Variants in CSMD3 observed in about 807,000 individuals in gnomAD.
CSMD3 encodes CUB and sushi domain-containing protein 3.
In CSMD3, 177 loss-of-function variants were observed where a neutral mutation model predicts 435.2. That is an observed-to-expected ratio of 0.41 (90% confidence interval 0.36 to 0.46). CSMD3 has a LOEUF of 0.46. Ranked by LOEUF, CSMD3 falls within the 20% of genes least tolerant of loss-of-function variation. CSMD3 has a pLI of 0.34. For missense variants in CSMD3, 4,265 were observed against 4,504.6 expected, an observed-to-expected ratio of 0.95 and a Z score of 1.52; for synonymous variants, 1,656 against 1,520.5, an observed-to-expected ratio of 1.09 and a Z score of -2.07.
intron 17 of CSMD3, among the ~76,000 whole-genome samples, chr8:112,662,259 C>T (rs2075400877): frequency 6.6e-6 from 1 of 152,162 alleles, no homozygotes; most frequent in Admixed American, 6.5e-5. Context: ...ATCACGCTAC[C>T]TGACTTCGAA....
At chr8:113,414,032 A>T (rs964226206) in intron 1 of CSMD3, among the ~76,000 whole-genome samples, 1 of 152,210 alleles carries the variant, frequency 6.6e-6, no homozygotes, top group Non-Finnish European at 1.5e-5. Context: ...AACAAAAGCC[A>T]CATGAACATA....
chr8:113,333,193 T>C (rs1171983914), intron 1 of CSMD3, among the ~76,000 whole-genome samples: 2 of 151,720 alleles, frequency 1.3e-5, no homozygotes, highest in African/African-American at 4.8e-5. Flanking sequence ...TCTTCTCCAG[T>C]TTGTGATTTC....
At chr8:112,943,379 T>C (rs2083510582) in intron 9 of CSMD3, among the ~76,000 whole-genome samples, 2 of 151,574 alleles carry the variant, frequency 1.3e-5, no homozygotes. Flanking sequence ...TGGTGTTTTA[T>C]GAAATAACTG....
intron 32 of CSMD3, among the ~76,000 whole-genome samples, chr8:112,430,163 C>T (rs1200750296): frequency 6.6e-6 from 1 of 152,028 alleles, no homozygotes; most frequent in Non-Finnish European, 1.5e-5. Context: ...GCGTCTACAA[C>T]CAGTTTTCTA....
At chr8:113,266,747 T>C (rs183510882) in intron 3 of CSMD3, among the ~76,000 whole-genome samples, 2 of 151,804 alleles carry the variant, frequency 1.3e-5, no homozygotes, top group East Asian at 3.9e-4. Context: ...GCATTTTTTC[T>C]ATAATGTTTT....
chr8:112,704,229 C>T (rs1459540994), intron 13 of CSMD3, among the ~76,000 whole-genome samples: 1 of 151,898 alleles, frequency 6.6e-6, no homozygotes, highest in Non-Finnish European at 1.5e-5. Flanking sequence ...ATCCCCCCAC[C>T]TCAACTGCTG....
chr8:112,989,499 T>C (rs1277123514), intron 6 of CSMD3, among the ~76,000 whole-genome samples: 3 of 152,072 alleles, frequency 2.0e-5, no homozygotes, highest in Non-Finnish European at 4.4e-5. Flanking sequence ...TGTTACATGA[T>C]AGAATGCAAT....
intron 3 of CSMD3, among the ~76,000 whole-genome samples, chr8:113,253,904 G>C (rs1472186540): frequency 1.3e-5 from 2 of 151,828 alleles, no homozygotes; most frequent in Admixed American, 1.3e-4. Context: ...TTATGTGCCA[G>C]TACTATATCT....
chr8:112,714,339 A>C (rs764517989), intron 13 of CSMD3, among the ~76,000 whole-genome samples: 1 of 152,198 alleles, frequency 6.6e-6, no homozygotes. Flanking sequence ...AAGGCATTAC[A>C]TAATGGTAAA....
chr8:112,653,571 A>C (rs1461342945), intron 18 of CSMD3, among the ~76,000 whole-genome samples: 1 of 152,088 alleles, frequency 6.6e-6, no homozygotes. Context: ...CTGGGGAAAA[A>C]CTATAGAAAT....
At chr8:112,265,365 A>G (rs777482414) in intron 60 of CSMD3, 46 bp downstream of exon 60, 1 of 1,413,172 alleles carries the variant, frequency 7.1e-7, no homozygotes, top group East Asian at 2.3e-5. Context: ...ATAAGAAAAT[A>G]TGTACTGGTT....
chr8:112,876,725 C>A (rs181576265), intron 10 of CSMD3, among the ~76,000 whole-genome samples: 2 of 152,088 alleles, frequency 1.3e-5, no homozygotes, highest in South Asian at 2.1e-4. Flanking sequence ...TCTCACTACT[C>A]GTATTCAACA....
chr8:113,302,889 T>C (rs576489855), intron 2 of CSMD3, among the ~76,000 whole-genome samples: 12 of 144,608 alleles, frequency 8.3e-5, no homozygotes, highest in Middle Eastern at 3.4e-3. Flanking sequence ...CTATTCAACA[T>C]AGTGTTGGAA....
intron 3 of CSMD3, among the ~76,000 whole-genome samples, chr8:113,236,055 C>A (rs558906055): frequency 1.3e-5 from 2 of 152,272 alleles, no homozygotes; most frequent in East Asian, 1.9e-4. Context: ...TGGGGTCCCA[C>A]ATGCACAGCT....
chr8:112,375,603 T>C (rs964176904), intron 38 of CSMD3, among the ~76,000 whole-genome samples: 7 of 152,260 alleles, frequency 4.6e-5, no homozygotes, highest in African/African-American at 1.2e-4. Flanking sequence ...TAAGAATTTC[T>C]AACTAAAAGA....
chr8:113,189,323 T>C (rs1459222755), intron 3 of CSMD3, among the ~76,000 whole-genome samples: 3 of 151,760 alleles, frequency 2.0e-5, no homozygotes. Context: ...TTAGACTCTT[T>C]CCTCATTCTA....
chr8:112,487,499 G>A (rs1820254704), intron 31 of CSMD3, among the ~76,000 whole-genome samples: 1 of 152,182 alleles, frequency 6.6e-6, no homozygotes, highest in Admixed American at 6.6e-5. Flanking sequence ...GTGTGTATGA[G>A]CAGATGAAGT....
At chr8:112,251,188 G>C (rs944164166) in intron 63 of CSMD3, among the ~76,000 whole-genome samples, 10 of 151,352 alleles carry the variant, frequency 6.6e-5, no homozygotes, top group Non-Finnish European at 1.2e-4. Context: ...TATTATTAAG[G>C]TCTCAAAAAC....
chr8:113,314,579 A>G lies in CSMD3; in HGVS notation c.393T>C (p.Phe131=), dbSNP rs766264738. 4 of 1,588,952 alleles carry G rather than the reference A, an allele frequency of 2.5e-6. No individual in the cohort carries two copies. In the Admixed American group the frequency reaches 6.7e-5, roughly 26 times the overall value. ...ATTCAAAACACACTAACCTTGTCCTAAAGTTTGTAGGATGAGGATGTCCAT... is the reference window on the plus strand; with the variant it reads ...ATTCAAAACACACTAACCTTGTCCTGAAGTTTGTAGGATGAGGATGTCCAT... ...LYDGHPHPTN[F]RTRLTGFHLP... Residue 131 remains phenylalanine (F), a synonymous_variant, in exon 2 of 71, where the codon TTT becomes TTC. Coordinates refer to ENST00000297405, the MANE Select transcript of CSMD3 (RefSeq NM_198123.2).
Sources: allele counts gnomAD v4.1 joint callset (sites outside exome capture counted in the v4.1 genomes callset), GRCh38; gene constraint gnomAD v4.1.1; transcripts MANE v1.5; gene names NCBI Gene and HGNC (gene_info 2026-07-23, HGNC 2026-07-21).